EIF2D: variants seen among roughly 807,000 people sequenced by gnomAD.
EIF2D encodes the protein hepatocellular carcinoma-associated antigen 56.
In EIF2D, 56 loss-of-function variants were observed where a neutral mutation model predicts 77.4. The ratio of observed to expected loss-of-function variants is 0.72; its 90% CI spans 0.58 to 0.90. The LOEUF (loss-of-function observed/expected upper bound fraction) is 0.90. Ranked by LOEUF, EIF2D falls within the 40% of genes least tolerant of loss-of-function variation. The probability of loss-of-function intolerance (pLI) is 0.00; values close to 1 mark genes in which losing one functional copy is unlikely to be tolerated. For synonymous variants in EIF2D, 230 were observed against 271.0 expected, an observed-to-expected ratio of 0.85 and a Z score of 1.49; for missense variants, 574 against 706.5, an observed-to-expected ratio of 0.81 and a Z score of 2.13.
At chr1:206,606,651 AG>A (rs1304058378) in intron 4 of EIF2D, among the ~76,000 whole-genome samples, 1 of 152,208 alleles carries the variant, frequency 6.6e-6, no homozygotes, top group Non-Finnish European at 1.5e-5. Context: ...AAAGCGTTCA[AG>A]GAAAATAGAA....
Position 206,599,079 on chromosome 1 carries a change from G to C in EIF2D, c.1216C>G (p.Leu406Val), listed in dbSNP as rs959947881. ...QESGHKKGSF[L>V]EGSEVRTIVI... Reference sequence around the variant, plus strand: ...ATCGTTCGGACCTCACTGCCCTCCAGAAAGCTCCCCTTCCTAGGTGAGGAG... The same window carrying C: ...ATCGTTCGGACCTCACTGCCCTCCACAAAGCTCCCCTTCCTAGGTGAGGAG... The change falls in exon 11 of 15, where the codon CTG becomes GTG. Residue 406 changes from leucine (L) to valine (V), a missense_variant. Coordinates refer to ENST00000271764, the MANE Select transcript of EIF2D (RefSeq NM_006893.3). The surrounding 1 kb of genome is among the most constrained non-coding windows in gnomAD (Gnocchi z 4.1). 1.2e-6 allele frequency: 2 copies of C among 1,614,128 alleles called. No homozygotes were observed. The highest frequency in any genetic ancestry group is 1.7e-6 in the Non-Finnish European group (2 of 1,180,014).
At chr1:206,571,934 C>A (rs1668467439) in intron 5 of EIF2D, among the ~76,000 whole-genome samples, 1 of 152,170 alleles carries the variant, frequency 6.6e-6, no homozygotes, top group Non-Finnish European at 1.5e-5. Context: ...TTGAGTGTCA[C>A]CCTCTTCTGT....
chr1:206,603,170 C>T lies in EIF2D; in HGVS notation c.565G>A (p.Ala189Thr), dbSNP rs782386423. Residue 189 changes from alanine (A) to threonine (T), a missense_variant, in exon 6 of 15, where the codon GCT becomes ACT. Ala to Thr is a moderately conservative substitution (Grantham distance 58). Coordinates refer to ENST00000271764, the MANE Select transcript of EIF2D (RefSeq NM_006893.3). The part of the protein sequence containing the change: ...SGNKSSPPSI[A>T]PLALDSADLS... ...TCTGCTGAATCCAGGGCCAGTGGAG[C>T]AATGGAAGGTGGAGAGGACTTGTTT... is the stretch of plus-strand genomic sequence containing the variant. The T allele has an allele frequency of 6.8e-6, 11 of 1,614,060 alleles. No homozygotes were observed. The highest frequency in any genetic ancestry group is 3.3e-5 in the Admixed American group (2 of 60,016).
At position 206,591,734 on chromosome 1, in the gene EIF2D, T is replaced by C; in HGVS notation, c.*41A>G. 6.3e-7 allele frequency: 1 copy of C among 1,587,504 alleles called. No homozygotes were observed. The highest frequency in any genetic ancestry group is 8.7e-7 in the Non-Finnish European group (1 of 1,155,850). On this transcript the variant is annotated 3_prime_UTR_variant, in exon 15 of 15. Transcript: ENST00000271764. Reference sequence around the variant, plus strand: ...TCATAAAAATTACCAGCCCAGAGCTTGGATTTCCACCGGATCCACCACGTG... The same window carrying C: ...TCATAAAAATTACCAGCCCAGAGCTCGGATTTCCACCGGATCCACCACGTG...
chr1:206,593,668 C>T lies in EIF2D; in HGVS notation c.1635G>A (p.Gln545=). The change falls in exon 14 of 15, where the codon CAG becomes CAA. Residue 545 remains glutamine, a synonymous_variant. Coordinates refer to ENST00000271764, the MANE Select transcript of EIF2D (RefSeq NM_006893.3). ...GGACCTGGTTTCCCTGGATCTGCACCTGAAGGCTGTCCTTGGCCCCAGGGG... is the reference window on the plus strand; with the variant it reads ...GGACCTGGTTTCCCTGGATCTGCACTTGAAGGCTGTCCTTGGCCCCAGGGG... ...NPAPGAKDSL[Q]VQIQGNQVHH... The T allele has an allele frequency of 6.2e-7, 1 of 1,613,930 alleles. No individual in the cohort carries two copies. Among genetic ancestry groups the T allele is most frequent in the Non-Finnish European group, 8.5e-7 (1 of 1,179,922 alleles).
Position 206,584,400 on chromosome 1 carries a change from C to G in EIF2D, c.139-3238G>C, listed in dbSNP as rs782573550. On this transcript the variant is annotated intron_variant and NMD_transcript_variant, in intron 2 of 5. Coordinates refer to the EIF2D transcript ENST00000472709. This position sits in a 1 kb window ranked among gnomAD's most constrained non-coding sequence, Gnocchi z 4.9. Reference sequence around the variant, plus strand: ...CCCCGCTGGCAGAGTGAAGACGGCACCTACACGGGTTTCATCAAAGTGCAT... The same window carrying G: ...CCCCGCTGGCAGAGTGAAGACGGCAGCTACACGGGTTTCATCAAAGTGCAT... 6.2e-7 allele frequency: 1 copy of G among 1,612,726 alleles called. No homozygotes were observed. The highest frequency in any genetic ancestry group is 1.1e-5 in the South Asian group (1 of 90,910).
At chr1:206,569,156 G>A (rs1471121096), downstream of EIF2D, among the ~76,000 whole-genome samples, 1 of 152,240 alleles carries the variant, frequency 6.6e-6, no homozygotes, top group Non-Finnish European at 1.5e-5. Flanking sequence ...TTGATGAGCA[G>A]GCAAAAAGGC....
chr1:206,607,080 G>T (rs1161660491), intron 4 of EIF2D, among the ~76,000 whole-genome samples: 2 of 152,166 alleles, frequency 1.3e-5, no homozygotes, highest in Non-Finnish European at 2.9e-5. Context: ...TGTCCACCAG[G>T]AGAGGGCCTC....
chr1:206,590,076 C>T (rs181338581), downstream of EIF2D, among the ~76,000 whole-genome samples: 474 of 152,318 alleles, frequency 3.1e-3, no homozygotes, highest in African/African-American at 0.011. Context: ...GACATTGATA[C>T]AGATTATTTG....
chr1:206,585,321 C>T, intron 2 of EIF2D: 1 of 1,593,752 alleles, frequency 6.3e-7, no homozygotes, highest in Non-Finnish European at 8.6e-7. Context: ...TTGTGCAAAC[C>T]CAGGCCTTAG....
chr1:206,572,766 T>C (rs1408642749), intron 4 of EIF2D: 1 of 152,276 alleles, frequency 6.6e-6, no homozygotes, highest in East Asian at 1.9e-4. Flanking sequence ...AGGATATTGA[T>C]GTATTTGTCT....
rs573638344 is a variant in EIF2D at position 206,602,533 on chromosome 1, C to T, written c.785-80G>A. 17 of 1,223,326 alleles carry T rather than the reference C, an allele frequency of 1.4e-5. No homozygotes were observed. In the East Asian group the frequency reaches 2.6e-4, roughly 18 times the overall value. The allele number at this position is 1,223,326 out of a possible 1,614,324, so 75.8% of individuals were successfully genotyped here. On this transcript the variant is annotated intron_variant, in intron 6 of 14. Coordinates refer to ENST00000271764, the MANE Select transcript of EIF2D (RefSeq NM_006893.3). ...ACAAGAAAACGACCCCCAGCTTCAT[C>T]CCTACCTCACCCACTTGGCTCTGAA...
At chr1:206,597,229 A>G (rs538557900) in intron 11 of EIF2D, 34 bp from the exon 12 acceptor site, 2 of 1,541,944 alleles carry the variant, frequency 1.3e-6, no homozygotes, top group African/African-American at 2.7e-5. Context: ...AAGAAATCCT[A>G]GACTTGTCCC....
chr1:206,575,034 G>GT (rs376096611), intron 4 of EIF2D, among the ~76,000 whole-genome samples: 93 of 107,646 alleles, frequency 8.6e-4, no homozygotes, highest in Non-Finnish European at 1.2e-3. Context: ...TTTTGTTTTT[G>GT]TTTTTTTTTT....
intron 14 of EIF2D, 109 bp downstream of exon 14, chr1:206,593,510 T>TGTGC: frequency 2.0e-5 from 6 of 294,340 alleles, no homozygotes; most frequent in South Asian, 5.0e-5. Context: ...AGAGAGAGAG[T>TGTGC]GTGTGTGTGT....
intron 4 of EIF2D, among the ~76,000 whole-genome samples, chr1:206,578,919 A>G (rs1488384176): frequency 6.6e-6 from 1 of 152,228 alleles, no homozygotes; most frequent in Non-Finnish European, 1.5e-5. Context: ...GATAAAATAA[A>G]GAAAAACAGC....
At position 206,577,903 on chromosome 1, in the gene EIF2D, C is replaced by T. The variant is rs557368652; in HGVS notation, c.*254+2789G>A. On this transcript the variant is annotated intron_variant and NMD_transcript_variant, in intron 4 of 5. Coordinates refer to the EIF2D transcript ENST00000472709. Reference sequence around the variant, plus strand: ...AGCTTTAGTCTAGTTGGGAAGAAGACCTGAGATGGATGAGTCTACTTGGAG... The same window carrying T: ...AGCTTTAGTCTAGTTGGGAAGAAGATCTGAGATGGATGAGTCTACTTGGAG... Among the ~76,000 whole-genome samples, 363 of 152,208 alleles carry T rather than the reference C, an allele frequency of 2.4e-3. 1 individual carries two copies. The highest frequency in any genetic ancestry group is 3.6e-3 in the Non-Finnish European group (247 of 68,010).
At chr1:206,580,883 C>T (rs1003357598) in intron 3 of EIF2D, 43 of 152,434 alleles carry the variant, frequency 2.8e-4, no homozygotes, top group African/African-American at 8.4e-4. Flanking sequence ...TGGGGCCTGA[C>T]CCGCTGCTTA....
In EIF2D at chr1:206,597,193, A is replaced by G. The variant is rs1458065257; in HGVS notation, c.1295T>C (p.Leu432Pro). 2 of 1,612,282 alleles carry G rather than the reference A, an allele frequency of 1.2e-6. No individual in the cohort carries two copies. The highest frequency in any genetic ancestry group is 2.7e-5 in the African/African-American group (2 of 74,884). ...ACATAGGATGGGATCCAATCTCACA[A>G]GACTAAAGGGAAAGAAGAGGCAATG... ...NDLVDADNKNLVRLDPILCDC... is the reference protein window; with the variant it reads ...NDLVDADNKNPVRLDPILCDC... The change falls in exon 12 of 15, where the codon CTT becomes CCT. Residue 432 changes from leucine to proline, a missense_variant and splice_region_variant. By Grantham distance (98) the Leu-to-Pro change is moderately conservative (BLOSUM62 -3). Transcript: ENST00000271764.
Sources: allele counts gnomAD v4.1 joint callset (sites outside exome capture counted in the v4.1 genomes callset), GRCh38; gene constraint gnomAD v4.1.1; non-coding constraint Gnocchi (gnomAD v3.1); transcripts MANE v1.5; gene names NCBI Gene and HGNC (gene_info 2026-07-23, HGNC 2026-07-21).